The following CCDC102B variants were observed in gnomAD, a reference collection of about 807,000 sequenced individuals.
The protein encoded by CCDC102B is coiled-coil domain containing 102B.
CCDC102B carries 75 observed loss-of-function variants against 57.4 expected under a neutral mutation model. The observed-to-expected ratio is 1.31, with a 90% confidence interval of 1.08 to 1.58. The LOEUF is 1.58. Among genes scored for constraint, CCDC102B ranks in the 40% most tolerant of loss-of-function variants. The probability of loss-of-function intolerance (pLI) is 0.00; values close to 1 mark genes in which losing one functional copy is unlikely to be tolerated. For missense variants in CCDC102B, 636 were observed against 582.6 expected (o/e 1.09, Z -0.94); for synonymous variants, 206 against 201.9 (o/e 1.02, Z -0.17).
intron 1 of CCDC102B, among the ~76,000 whole-genome samples, chr18:68,819,994 C>G (rs1433350382): frequency 1.3e-5 from 2 of 152,034 alleles, no homozygotes; most frequent in South Asian, 2.1e-4. Context: ...TGAATTTCTA[C>G]TTACACAATC....
At chr18:68,911,491 G>A (rs1173086701) in intron 6 of CCDC102B, among the ~76,000 whole-genome samples, 15 of 151,946 alleles carry the variant, frequency 9.9e-5, no homozygotes, top group South Asian at 8.3e-4. Context: ...GGTGGCTCAC[G>A]CCTGTAATCC....
At chr18:69,050,845 A>G (rs1461113880) in intron 7 of CCDC102B, among the ~76,000 whole-genome samples, 1 of 152,178 alleles carries the variant, frequency 6.6e-6, no homozygotes, top group Non-Finnish European at 1.5e-5. Flanking sequence ...AAAATCAAGG[A>G]ATGTTTACCT....
intron 6 of CCDC102B, among the ~76,000 whole-genome samples, chr18:68,947,413 A>G (rs1364377918): frequency 1.3e-5 from 2 of 152,102 alleles, no homozygotes; most frequent in East Asian, 3.9e-4. Context: ...CACATACATT[A>G]TAGTTACCTT....
At chr18:68,977,909 C>T (rs551346558) in intron 6 of CCDC102B, among the ~76,000 whole-genome samples, 11 of 152,060 alleles carry the variant, frequency 7.2e-5, no homozygotes, top group African/African-American at 2.6e-4. Context: ...ACGCTGAACA[C>T]AGTAACCTTG....
chr18:69,049,082 G>A (rs2052637323), intron 7 of CCDC102B, among the ~76,000 whole-genome samples: 1 of 151,054 alleles, frequency 6.6e-6, no homozygotes, highest in African/African-American at 2.4e-5. Flanking sequence ...GGATACATGT[G>A]CAGAACGTGT....
intron 4 of CCDC102B, among the ~76,000 whole-genome samples, chr18:68,864,136 G>A (rs2038874897): frequency 6.6e-6 from 1 of 151,942 alleles, no homozygotes; most frequent in East Asian, 1.9e-4. Flanking sequence ...ATTGGTCATA[G>A]TTTCTGAAAC....
chr18:68,936,762 T>TAC (rs111306089), intron 6 of CCDC102B, among the ~76,000 whole-genome samples: 2 of 74,506 alleles, frequency 2.7e-5, no homozygotes, highest in African/African-American at 6.0e-5. Context: ...TATATATATA[T>TAC]ACACACATAC....
upstream of CCDC102B, among the ~76,000 whole-genome samples, chr18:68,795,697 T>TATGG (rs2144670527): frequency 6.6e-6 from 1 of 152,280 alleles, no homozygotes; most frequent in South Asian, 2.1e-4. Flanking sequence ...CCTCACCCAG[T>TATGG]ATGGCCTCAG....
chr18:68,769,553 C>T (rs980456099), intron 2 of CCDC102B, among the ~76,000 whole-genome samples: 3 of 152,110 alleles, frequency 2.0e-5, no homozygotes, highest in Non-Finnish European at 4.4e-5. Flanking sequence ...TAGATAACCT[C>T]CCTCCAATCA....
intron 7 of CCDC102B, among the ~76,000 whole-genome samples, chr18:69,015,468 T>C (rs2051639540): frequency 6.6e-6 from 1 of 152,218 alleles, no homozygotes; most frequent in Non-Finnish European, 1.5e-5. Flanking sequence ...CTCAATTTGA[T>C]TTCTCCTTGA....
At chr18:68,902,003 A>G (rs1743659981) in intron 6 of CCDC102B, among the ~76,000 whole-genome samples, 2 of 152,164 alleles carry the variant, frequency 1.3e-5, no homozygotes, top group South Asian at 4.1e-4. Context: ...CACTTCTATG[A>G]GGCTTCCAGG....
chr18:68,938,028 T>C (rs2049290275), intron 6 of CCDC102B, among the ~76,000 whole-genome samples: 1 of 152,150 alleles, frequency 6.6e-6, no homozygotes, highest in South Asian at 2.1e-4. Flanking sequence ...TTGGGTTGGT[T>C]CCAAGTCTTT....
chr18:69,051,899 C>T (rs964503662), intron 7 of CCDC102B, among the ~76,000 whole-genome samples: 5 of 150,688 alleles, frequency 3.3e-5, no homozygotes, highest in African/African-American at 1.2e-4. Flanking sequence ...TGATCAAGAA[C>T]ATAAATGACA....
chr18:69,005,481 T>A (rs1599835661), intron 6 of CCDC102B, among the ~76,000 whole-genome samples: 1 of 152,186 alleles, frequency 6.6e-6, no homozygotes, highest in African/African-American at 2.4e-5. Flanking sequence ...TAATAGTACT[T>A]TTAAATTTCC....
At chr18:68,892,206 A>T (rs1267768776) in intron 5 of CCDC102B, among the ~76,000 whole-genome samples, 2 of 152,098 alleles carry the variant, frequency 1.3e-5, no homozygotes, top group Non-Finnish European at 2.9e-5. Flanking sequence ...GCTTTCCAAG[A>T]TACCCCTTGC....
chr18:68,971,131 T>C (rs1232159642), intron 6 of CCDC102B, among the ~76,000 whole-genome samples: 1 of 152,050 alleles, frequency 6.6e-6, no homozygotes, highest in Non-Finnish European at 1.5e-5. Flanking sequence ...TATCAAAATA[T>C]ATTCTTAATT....
intron 2 of CCDC102B, among the ~76,000 whole-genome samples, chr18:68,758,302 A>C (rs554004579): frequency 1.1e-4 from 16 of 151,760 alleles, no homozygotes; most frequent in Admixed American, 5.9e-4. Context: ...TATATATATA[A>C]AAATAATTTG....
chr18:68,774,817 A>C (rs200256367), intron 2 of CCDC102B, among the ~76,000 whole-genome samples: 2 of 151,838 alleles, frequency 1.3e-5, no homozygotes, highest in East Asian at 3.9e-4. Context: ...TCTTCATTTA[A>C]TAATCCTAAT....
chr18:68,762,409 G>T (rs544069344), intron 2 of CCDC102B, among the ~76,000 whole-genome samples: 28 of 151,198 alleles, frequency 1.9e-4, no homozygotes, highest in African/African-American at 4.8e-4. Context: ...TTTGTTTTTG[G>T]TTTTTTTTCT....
Sources: gnomAD v4.1 joint callset for allele counts (sites outside exome capture counted in the v4.1 genomes callset) on GRCh38, gnomAD v4.1.1 for gene constraint, MANE v1.5 for transcripts, NCBI Gene and HGNC (gene_info 2026-07-23, HGNC 2026-07-21) for gene names.